The following HSD17B11 variants were observed in gnomAD, a reference collection of about 807,000 sequenced individuals.
HSD17B11 encodes hydroxysteroid 17-beta dehydrogenase 11, also known as estradiol 17-beta-dehydrogenase 11.
HSD17B11 carries 22 observed loss-of-function variants against 27.8 expected under a neutral mutation model. The observed-to-expected ratio is 0.79, with a 90% CI of 0.56 to 1.13. The LOEUF is 1.13. Among genes scored for constraint, HSD17B11 ranks in the 50% most tolerant of loss-of-function variants. The pLI is 0.00. For missense variants in HSD17B11, 314 were observed against 351.1 expected (o/e 0.89, Z 0.84); for synonymous variants, 117 against 132.8 (o/e 0.88, Z 0.82).
At chr4:87,382,119 A>G in intron 2 of HSD17B11, 136 bp downstream of exon 2, 1 of 625,094 alleles carries the variant, frequency 1.6e-6, no homozygotes, top group Non-Finnish European at 2.8e-6. Flanking sequence ...TGGGTTTGCT[A>G]TGAGCTAGTT....
At position 87,380,920 on chromosome 4, in the gene HSD17B11, C is replaced by A. The variant is rs181711847; in HGVS notation, c.318+1335G>T. On this transcript the variant is annotated intron_variant, in intron 2 of 6. Coordinates refer to ENST00000358290, the MANE Select transcript of HSD17B11 (RefSeq NM_016245.5). ...CTCAGGCCAGGTGTGGTGGCTCACGCGTGTAATCCCAGCACTTTGGGAGGC... is the reference window on the plus strand; with the variant it reads ...CTCAGGCCAGGTGTGGTGGCTCACGAGTGTAATCCCAGCACTTTGGGAGGC... Among the ~76,000 whole-genome samples, 503 of 144,886 alleles carry A rather than the reference C, an allele frequency of 3.5e-3. 2 individuals carry two copies. Among genetic ancestry groups the A allele is most frequent in the African/African-American group, 0.012 (471 of 38,978 alleles).
chr4:87,342,381 CAAAA>C (rs543558458), intron 5 of HSD17B11, among the ~76,000 whole-genome samples: 4 of 74,324 alleles, frequency 5.4e-5, no homozygotes, highest in African/African-American at 1.1e-4. Flanking sequence ...AACTTCGCTG[CAAAA>C]AAAAAAAAAA....
At chr4:87,378,960 A>ATATATATATATT (rs1720051475) in intron 2 of HSD17B11, among the ~76,000 whole-genome samples, 4 of 25,608 alleles carry the variant, frequency 1.6e-4, no homozygotes, top group African/African-American at 1.2e-3. Context: ...ATATATATAT[A>ATATATATATATT]TTTTTTTTTT....
chr4:87,337,304 A>C lies in HSD17B11; in HGVS notation c.875T>G (p.Val292Gly). Residue 292 changes from valine (V) to glycine (G), a missense_variant, in exon 7 of 7, where the codon GTT (valine) becomes GGT (glycine). Val to Gly is a moderately radical substitution (Grantham distance 109). Transcript: ENST00000358290. ...KRKISVKFDA[V>G]IGYKMKAQ Reference sequence around the variant, plus strand: ...TTGCGCTTTCATTTTATATCCAATAACTGCATCAAACTTAACACTGATTTT... The same window carrying C: ...TTGCGCTTTCATTTTATATCCAATACCTGCATCAAACTTAACACTGATTTT... The C allele has an allele frequency of 1.2e-6, 2 of 1,606,312 alleles. No individual in the cohort carries two copies. The highest frequency in any genetic ancestry group is 1.7e-6 in the Non-Finnish European group (2 of 1,174,098).
chr4:87,368,193 T>C (rs1578040918), intron 4 of HSD17B11, among the ~76,000 whole-genome samples: 1 of 152,204 alleles, frequency 6.6e-6, no homozygotes. Context: ...GGCGGGCACC[T>C]GTAGTCCCAG....
Position 87,381,707 on chromosome 4 carries a change from C to T in HSD17B11, c.318+548G>A, listed in dbSNP as rs557083928. On this transcript the variant is annotated intron_variant, in intron 2 of 6. Transcript: ENST00000358290. ...CTGGGAGGTGGAGGTTGCAATGAAT[C>T]GAGATCATGCCACTGCACTCCAACC... Among the ~76,000 whole-genome samples the T allele has an allele frequency of 4.7e-4, 70 of 147,506 alleles. 1 individual carries two copies. The East Asian group carries it at 0.012, about 25-fold the overall frequency.
chr4:87,367,865 C>T (rs1280876182), intron 4 of HSD17B11, among the ~76,000 whole-genome samples: 1 of 152,182 alleles, frequency 6.6e-6, no homozygotes, highest in African/African-American at 2.4e-5. Context: ...TCATGGAAAG[C>T]CTTCTAATTT....
intron 4 of HSD17B11, among the ~76,000 whole-genome samples, chr4:87,368,174 G>T (rs867634434): frequency 2.0e-5 from 3 of 152,030 alleles, no homozygotes; most frequent in African/African-American, 4.8e-5. Context: ...AAAATTAGCC[G>T]GGTGTGGTGG....
chr4:87,342,349 C>A (rs191915997), intron 5 of HSD17B11, among the ~76,000 whole-genome samples: 1 of 150,922 alleles, frequency 6.6e-6, no homozygotes, highest in African/African-American at 2.4e-5. Context: ...GCCACTGCAC[C>A]CCAGCCTGGG....
intron 4 of HSD17B11, among the ~76,000 whole-genome samples, chr4:87,369,713 G>C (rs1218635817): frequency 6.6e-6 from 1 of 152,174 alleles, no homozygotes; most frequent in East Asian, 1.9e-4. Context: ...GGGGATTACA[G>C]GTGTCAGCCA....
At chr4:87,381,740 CA>C (rs1720174630) in intron 2 of HSD17B11, among the ~76,000 whole-genome samples, 1 of 130,464 alleles carries the variant, frequency 7.7e-6, no homozygotes, top group Non-Finnish European at 1.6e-5. Flanking sequence ...ACCTGGGTAA[CA>C]GAGTGAGACC....
chr4:87,359,673 T>C (rs909510723), intron 4 of HSD17B11, among the ~76,000 whole-genome samples: 2 of 152,200 alleles, frequency 1.3e-5, no homozygotes, highest in Non-Finnish European at 2.9e-5. Flanking sequence ...CTATTCTAAA[T>C]AATTATTTTG....
intron 4 of HSD17B11, among the ~76,000 whole-genome samples, chr4:87,366,301 G>A (rs1025788383): frequency 7.9e-5 from 12 of 151,996 alleles, no homozygotes; most frequent in East Asian, 3.8e-4. Context: ...ACTTATCTGC[G>A]CTTTCACAAA....
chr4:87,368,153 T>C (rs555131289), intron 4 of HSD17B11, among the ~76,000 whole-genome samples: 3 of 152,118 alleles, frequency 2.0e-5, no homozygotes, highest in East Asian at 3.9e-4. Context: ...CCGTCTCTAC[T>C]AAAAATACAA....
intron 4 of HSD17B11, among the ~76,000 whole-genome samples, chr4:87,360,477 A>G (rs1735486317): frequency 6.6e-6 from 1 of 152,254 alleles, no homozygotes; most frequent in Non-Finnish European, 1.5e-5. Flanking sequence ...AAATGTCTGT[A>G]GTGGACAGCT....
At chr4:87,361,542 C>T (rs557392588) in intron 4 of HSD17B11, among the ~76,000 whole-genome samples, 11 of 152,086 alleles carry the variant, frequency 7.2e-5, no homozygotes, top group Admixed American at 3.3e-4. Context: ...CCAAGGCGGG[C>T]GGATCACGAG....
rs754561555 is a variant in HSD17B11 at position 87,382,322 on chromosome 4, C to T, written c.251G>A (p.Gly84Asp). The change falls in exon 2 of 7, where the codon GGT (glycine) becomes GAT (aspartate). Residue 84 changes from glycine to aspartate, a missense_variant. Coordinates refer to ENST00000358290, the MANE Select transcript of HSD17B11 (RefSeq NM_016245.5). ...TACCACAAAGGTATGAACCTTGGCA[C>T]CCAGTCCCTTGCATTTGGCAGCTGT... ...EETAAKCKGLGAKVHTFVVDC... is the reference protein window; with the variant it reads ...EETAAKCKGLDAKVHTFVVDC... The T allele has an allele frequency of 1.5e-5, 25 of 1,613,862 alleles. No homozygotes were observed. Among genetic ancestry groups the T allele is most frequent in the Middle Eastern group, 1.6e-4 (1 of 6,082 alleles).
At chr4:87,373,082 G>A (rs1735751971) in intron 3 of HSD17B11, 2 of 352,636 alleles carry the variant, frequency 5.7e-6, no homozygotes, top group South Asian at 3.2e-5. Flanking sequence ...GCTCATGCCT[G>A]TAATCCCAGC....
At position 87,378,845 on chromosome 4, in the gene HSD17B11, A is replaced by AATATACATAAAT. The variant is rs1553960237; in HGVS notation, c.318+3409_318+3410insATTTATGTATAT. 2.9e-3 allele frequency among the ~76,000 whole-genome samples: 52 copies of AATATACATAAAT among 18,122 alleles called. 7 individuals carry two copies. The highest frequency in any genetic ancestry group is 3.4e-3 in the African/African-American group (11 of 3,198). The allele number at this position is 18,122 out of a possible 152,430, so 11.9% of individuals were successfully genotyped here. On this transcript the variant is annotated intron_variant, in intron 2 of 6. Coordinates refer to ENST00000358290, the MANE Select transcript of HSD17B11 (RefSeq NM_016245.5). ...ATATATATATAAATATATATATATAAATATATATATAAATATATATAAATA... is the reference window on the plus strand; with the variant it reads ...ATATATATATAAATATATATATATAAATATACATAAATATATATATATAAATATATATAAATA...
Sources: gnomAD v4.1 joint callset for allele counts (sites outside exome capture counted in the v4.1 genomes callset) on GRCh38, gnomAD v4.1.1 for gene constraint, MANE v1.5 for transcripts, NCBI Gene and HGNC (gene_info 2026-07-23, HGNC 2026-07-21) for gene names.